TCAIM: variants seen among roughly 807,000 people sequenced by gnomAD.
The protein encoded by TCAIM is T cell activation inhibitor, mitochondrial.
In TCAIM, 36 loss-of-function variants were observed where a neutral mutation model predicts 58.6. The observed-to-expected ratio is 0.61, with a 90% CI of 0.47 to 0.81. TCAIM has a LOEUF of 0.81. TCAIM is among the 30% of genes least tolerant of loss of function. TCAIM has a pLI of 0.00. For missense variants in TCAIM, 466 were observed against 579.6 expected, an observed-to-expected ratio of 0.80 and a Z score of 2.01; for synonymous variants, 172 against 193.6, an observed-to-expected ratio of 0.89 and a Z score of 0.93.
intron 1 of TCAIM, among the ~76,000 whole-genome samples, chr3:44,352,923 C>CTTTT (rs61357631): frequency 0.023 from 3,019 of 131,664 alleles, 78 homozygotes; most frequent in Admixed American, 0.033. Context: ...AGATTGACTT[C>CTTTT]TTTTTTTTTT....
intron 1 of TCAIM, chr3:44,340,020 T>G (rs574693040): frequency 6.6e-6 from 1 of 152,150 alleles, no homozygotes; most frequent in South Asian, 2.1e-4. Flanking sequence ...ATTTTCCAAG[T>G]GGAAGTATAG....
At chr3:44,396,322 C>G in intron 6 of TCAIM, 78 bp from the exon 7 acceptor site, 1 of 1,212,370 alleles carries the variant, frequency 8.2e-7, no homozygotes, top group Non-Finnish European at 1.2e-6. Context: ...TTTCCAAGGA[C>G]TCCAGTAGTT....
At chr3:44,352,841 C>G (rs1701118038) in intron 1 of TCAIM, among the ~76,000 whole-genome samples, 1 of 151,814 alleles carries the variant, frequency 6.6e-6, no homozygotes, top group South Asian at 2.1e-4. Flanking sequence ...AGACTTCTTG[C>G]CTTTCCCAGA....
chr3:44,338,639 A>G (rs887178744), upstream of TCAIM: 3 of 152,476 alleles, frequency 2.0e-5, no homozygotes, highest in Admixed American at 1.3e-4. Context: ...AGCCCGTCAA[A>G]GCCTGTCGCC....
At chr3:44,378,933 G>A (rs939967715) in intron 5 of TCAIM, among the ~76,000 whole-genome samples, 1 of 152,026 alleles carries the variant, frequency 6.6e-6, no homozygotes, top group Non-Finnish European at 1.5e-5. Context: ...CCAAAGTGGG[G>A]AGATTGCTTG....
chr3:44,385,331 G>T (rs1179132916), intron 5 of TCAIM, among the ~76,000 whole-genome samples: 4 of 152,186 alleles, frequency 2.6e-5, no homozygotes, highest in African/African-American at 9.7e-5. Context: ...TCACTTTACT[G>T]TAGATGCTTT....
intron 9 of TCAIM, 189 bp downstream of exon 9, chr3:44,400,776 T>A (rs1429630360): frequency 1.7e-6 from 1 of 600,552 alleles, no homozygotes; most frequent in East Asian, 2.9e-5. Flanking sequence ...AAGGATTTAA[T>A]GTCTAGAACA....
At chr3:44,352,557 G>A (rs574693893) in intron 1 of TCAIM, among the ~76,000 whole-genome samples, 13 of 152,142 alleles carry the variant, frequency 8.5e-5, no homozygotes, top group South Asian at 2.1e-4. Flanking sequence ...CCCTACTCAC[G>A]CATAACCTCC....
Position 44,367,585 on chromosome 3 carries a change from T to C in TCAIM, c.449T>C (p.Leu150Pro). The C allele has an allele frequency of 6.2e-7, 1 of 1,614,092 alleles. No individual in the cohort carries two copies. Among genetic ancestry groups the C allele is most frequent in the South Asian group, 1.1e-5 (1 of 91,084 alleles). The change falls in exon 5 of 11, where the codon CTC becomes CCC. Residue 150 changes from leucine to proline, a missense_variant. Coordinates refer to ENST00000342649, the MANE Select transcript of TCAIM (RefSeq NM_173826.4). Reference protein sequence around the residue: ...SLNTNMHTQPLKEAKRMPDRP... With the variant: ...SLNTNMHTQPPKEAKRMPDRP... ...AATACTAATATGCATACCCAGCCTC[T>C]CAAAGAAGCTAAAAGGATGCCTGAC...
intron 5 of TCAIM, among the ~76,000 whole-genome samples, chr3:44,385,070 T>A (rs112398576): frequency 5.9e-5 from 9 of 152,184 alleles, no homozygotes; most frequent in African/African-American, 2.2e-4. Context: ...GCCAATGTAT[T>A]ATAAGAAACA....
At chr3:44,360,985 A>T (rs1341894267) in intron 3 of TCAIM, among the ~76,000 whole-genome samples, 1 of 152,254 alleles carries the variant, frequency 6.6e-6, no homozygotes, top group Non-Finnish European at 1.5e-5. Context: ...CACTGGCAAT[A>T]ATTATCCCAC....
At chr3:44,358,955 A>G in intron 3 of TCAIM, 1 of 985,378 alleles carries the variant, frequency 1.0e-6, no homozygotes. Context: ...TTTTCAAAGT[A>G]ATCAGTAAAT....
intron 5 of TCAIM, among the ~76,000 whole-genome samples, chr3:44,381,861 A>G (rs964321544): frequency 5.9e-5 from 9 of 152,202 alleles, no homozygotes; most frequent in African/African-American, 2.2e-4. Flanking sequence ...AGGGAATTAC[A>G]AAAACAATTC....
intron 5 of TCAIM, among the ~76,000 whole-genome samples, chr3:44,383,337 T>C (rs1449392503): frequency 1.3e-5 from 2 of 152,166 alleles, no homozygotes; most frequent in African/African-American, 4.8e-5. Context: ...AAGCAAAATT[T>C]GATATACTCC....
intron 5 of TCAIM, among the ~76,000 whole-genome samples, chr3:44,372,570 C>G (rs577527356): frequency 8.6e-5 from 13 of 151,666 alleles, no homozygotes; most frequent in African/African-American, 3.1e-4. Context: ...AAATTACATT[C>G]ATTGGATCAA....
intron 10 of TCAIM, among the ~76,000 whole-genome samples, chr3:44,406,689 A>C (rs1401735495): frequency 6.6e-6 from 1 of 152,216 alleles, no homozygotes; most frequent in Admixed American, 6.5e-5. Context: ...GAAGTATTTT[A>C]AATAGACTGG....
In TCAIM at chr3:44,369,533, G is replaced by A. The variant is rs1380107956; in HGVS notation, c.572+1825G>A. Reference sequence around the variant, plus strand: ...ATGAAAAGAGTGCCCCAAGGACCTAGAACTGGACTTAGACACCGGCAAAGT... The same window carrying A: ...ATGAAAAGAGTGCCCCAAGGACCTAAAACTGGACTTAGACACCGGCAAAGT... On this transcript the variant is annotated intron_variant, in intron 5 of 10. Transcript: ENST00000342649. Among the ~76,000 whole-genome samples the A allele has an allele frequency of 2.6e-5, 4 of 152,300 alleles. No individual in the cohort carries two copies. The East Asian group carries it at 7.7e-4, about 29-fold the overall frequency.
intron 1 of TCAIM, 117 bp from the exon 2 acceptor site, chr3:44,354,622 A>G (rs541115323): frequency 1.5e-6 from 1 of 651,700 alleles, no homozygotes; most frequent in East Asian, 3.0e-5. Context: ...GATCTTATAC[A>G]TATTTTATAA....
At chr3:44,401,889 C>T (rs562805879) in intron 10 of TCAIM, among the ~76,000 whole-genome samples, 1 of 151,782 alleles carries the variant, frequency 6.6e-6, no homozygotes, top group South Asian at 2.1e-4. Flanking sequence ...AAAAGTTATC[C>T]AGGTGTTATG....
Sources: gnomAD v4.1 joint callset for allele counts (sites outside exome capture counted in the v4.1 genomes callset) on GRCh38, gnomAD v4.1.1 for gene constraint, MANE v1.5 for transcripts, NCBI Gene and HGNC (gene_info 2026-07-23, HGNC 2026-07-21) for gene names.